NTRK3: variants seen among roughly 807,000 people sequenced by gnomAD.
NTRK3 encodes the protein neurotrophic receptor tyrosine kinase 3.
A neutral mutation model predicts 91.7 loss-of-function variants in NTRK3; 24 were observed. The ratio of observed to expected loss-of-function variants is 0.26; its 90% CI spans 0.19 to 0.37. NTRK3 has a LOEUF of 0.37. NTRK3 is among the 10% of genes least tolerant of loss of function. The pLI is 1.00. For missense variants in NTRK3, 880 were observed against 1,068.9 expected (o/e 0.82, Z 2.46); for synonymous variants, 483 against 404.0 (o/e 1.20, Z -2.34).
chr15:88,042,511 G>A (rs751980314), intron 13 of NTRK3, among the ~76,000 whole-genome samples: 36 of 152,146 alleles, frequency 2.4e-4, no homozygotes, highest in Admixed American at 5.2e-4. Context: ...CCTGCCCTCC[G>A]CACTTCTCCG....
At chr15:87,963,656 T>A (rs915907000) in intron 14 of NTRK3, among the ~76,000 whole-genome samples, 1 of 152,222 alleles carries the variant, frequency 6.6e-6, no homozygotes, top group African/African-American at 2.4e-5. Context: ...GGTAGGCTAG[T>A]CTAAGCGATG....
At chr15:88,208,680 G>A (rs554537801) in intron 3 of NTRK3, among the ~76,000 whole-genome samples, 2 of 152,188 alleles carry the variant, frequency 1.3e-5, no homozygotes, top group Non-Finnish European at 2.9e-5. Context: ...ACTGCAGGAA[G>A]AGCTGGGTTT....
chr15:88,028,252 C>T (rs548107238), intron 14 of NTRK3, among the ~76,000 whole-genome samples: 7 of 152,220 alleles, frequency 4.6e-5, no homozygotes, highest in Middle Eastern at 6.8e-3. Context: ...TATGGTTGGA[C>T]GTGAGCCCAT....
chr15:88,144,757 C>T (rs547245204), intron 6 of NTRK3, among the ~76,000 whole-genome samples: 1 of 152,294 alleles, frequency 6.6e-6, no homozygotes, highest in Admixed American at 6.5e-5. Flanking sequence ...GACAGAACCT[C>T]ACACACATTA....
At chr15:88,092,499 ACT>A (rs1458232107) in intron 13 of NTRK3, among the ~76,000 whole-genome samples, 1 of 152,068 alleles carries the variant, frequency 6.6e-6, no homozygotes, top group South Asian at 2.1e-4. Context: ...CATGGTGTTG[ACT>A]CTCTCAGAAA....
chr15:87,920,649 G>A (rs1437263192), intron 17 of NTRK3, among the ~76,000 whole-genome samples: 1 of 152,198 alleles, frequency 6.6e-6, no homozygotes, highest in African/African-American at 2.4e-5. Context: ...AGAATCTGGA[G>A]TTATAATTTG....
intron 11 of NTRK3, among the ~76,000 whole-genome samples, 183 bp from the exon 12 acceptor site, chr15:88,127,409 G>A (rs989507260): frequency 1.3e-5 from 2 of 151,952 alleles, no homozygotes; most frequent in African/African-American, 4.8e-5. Context: ...CACAGACCAG[G>A]TTCCTATCTG....
At chr15:88,226,552 A>T (rs1040210961) in intron 3 of NTRK3, among the ~76,000 whole-genome samples, 2 of 152,232 alleles carry the variant, frequency 1.3e-5, no homozygotes, top group African/African-American at 4.8e-5. Flanking sequence ...TCCAGAGGCC[A>T]GGGAAGTCCA....
At chr15:88,126,403 A>C in intron 12 of NTRK3, 30 bp from the exon 13 acceptor site, 1 of 1,508,778 alleles carries the variant, frequency 6.6e-7, no homozygotes, top group East Asian at 2.3e-5. Context: ...GAGAGTCAGC[A>C]ACAATCACAG....
chr15:87,962,780 C>T (rs533386813), intron 14 of NTRK3, among the ~76,000 whole-genome samples: 2 of 152,298 alleles, frequency 1.3e-5, no homozygotes, highest in East Asian at 3.9e-4. Context: ...GGTCAGGATA[C>T]ATGGGTACTA....
chr15:87,937,967 CG>C (rs2069459613), intron 15 of NTRK3, among the ~76,000 whole-genome samples: 1 of 146,210 alleles, frequency 6.8e-6, no homozygotes, highest in Non-Finnish European at 1.5e-5. Flanking sequence ...ATGACAGAGA[CG>C]AAAAAAAAAA....
intron 14 of NTRK3, among the ~76,000 whole-genome samples, chr15:87,943,206 G>T (rs1596338441): frequency 6.6e-6 from 1 of 152,276 alleles, no homozygotes; most frequent in East Asian, 1.9e-4. Flanking sequence ...AGAATCACCA[G>T]AACACGGCTT....
At chr15:88,049,848 A>T (rs950276340) in intron 13 of NTRK3, among the ~76,000 whole-genome samples, 3 of 152,254 alleles carry the variant, frequency 2.0e-5, no homozygotes, top group African/African-American at 7.2e-5. Context: ...AAGATGGTTC[A>T]GAATCAATGA....
chr15:88,055,780 A>G (rs1017993228), intron 13 of NTRK3, among the ~76,000 whole-genome samples: 12 of 152,190 alleles, frequency 7.9e-5, no homozygotes, highest in Admixed American at 6.5e-4. Context: ...AAATACCTAG[A>G]CTGGGAAAGG....
chr15:87,899,583 C>G (rs1188252854), intron 17 of NTRK3, among the ~76,000 whole-genome samples: 1 of 152,114 alleles, frequency 6.6e-6, no homozygotes, highest in African/African-American at 2.4e-5. Flanking sequence ...TTTGGGCCCC[C>G]CTTTTGTTTT....
intron 17 of NTRK3, among the ~76,000 whole-genome samples, chr15:87,912,931 AATATATAT>A (rs58367924): frequency 0.028 from 1,024 of 36,396 alleles, 26 homozygotes; most frequent in Non-Finnish European, 0.036. Context: ...AGTAAAAAAA[AATATATAT>A]ATATATATAT....
intron 13 of NTRK3, among the ~76,000 whole-genome samples, chr15:88,076,689 A>G (rs1226357091): frequency 6.7e-5 from 10 of 149,966 alleles, no homozygotes; most frequent in Admixed American, 3.3e-4. Flanking sequence ...AAAAAAAAAA[A>G]AAGCACTTAA....
intron 3 of NTRK3, among the ~76,000 whole-genome samples, chr15:88,251,316 G>A (rs948304780): frequency 5.3e-5 from 8 of 152,218 alleles, no homozygotes; most frequent in African/African-American, 1.7e-4. Flanking sequence ...CCTGGGGGAA[G>A]TTCTCTGGGC....
chr15:88,154,345 T>C (rs2043686959), intron 5 of NTRK3, among the ~76,000 whole-genome samples: 1 of 152,034 alleles, frequency 6.6e-6, no homozygotes, highest in African/African-American at 2.4e-5. Context: ...CCATATAATC[T>C]TGTCACCAAG....
Sources: allele counts gnomAD v4.1 joint callset (sites outside exome capture counted in the v4.1 genomes callset), GRCh38; gene constraint gnomAD v4.1.1; transcripts MANE v1.5; gene names NCBI Gene and HGNC (gene_info 2026-07-23, HGNC 2026-07-21).